Variants in LAPTM4B observed in about 807,000 individuals in gnomAD.
LAPTM4B encodes lysosomal protein transmembrane 4 beta.
A neutral mutation model predicts 28.5 loss-of-function variants in LAPTM4B; 26 were observed. The observed-to-expected ratio is 0.91, with a 90% CI of 0.67 to 1.27. The LOEUF is 1.27. LAPTM4B is among the 50% of genes most tolerant of loss of function. The probability of loss-of-function intolerance (pLI) is 0.00; values close to 1 mark genes in which losing one functional copy is unlikely to be tolerated. For synonymous variants in LAPTM4B, 109 were observed against 106.4 expected (o/e 1.02, Z -0.15); for missense variants, 288 against 285.8 (o/e 1.01, Z -0.06).
At chr8:97,819,077 G>A (rs1816964626) in intron 4 of LAPTM4B, 63 bp from the exon 5 acceptor site, 2 of 967,980 alleles carry the variant, frequency 2.1e-6, no homozygotes. Flanking sequence ...CTGAATTGGT[G>A]CCCAAGGAAT....
At chr8:97,843,309 C>G (rs922426270) in intron 6 of LAPTM4B, among the ~76,000 whole-genome samples, 2 of 152,012 alleles carry the variant, frequency 1.3e-5, no homozygotes, top group African/African-American at 2.4e-5. Flanking sequence ...TGCCTGTAGT[C>G]CCAGCTACTC....
intron 4 of LAPTM4B, among the ~76,000 whole-genome samples, chr8:97,817,445 C>CTTTTTTTTT (rs753483537): frequency 1.1e-5 from 1 of 89,004 alleles, no homozygotes. Context: ...GCCAACTTTA[C>CTTTTTTTTT]TTTTTTTTTT....
intron 6 of LAPTM4B, among the ~76,000 whole-genome samples, chr8:97,827,425 G>A (rs2129817337): frequency 6.6e-6 from 1 of 152,328 alleles, no homozygotes; most frequent in African/African-American, 2.4e-5. Flanking sequence ...GGGCTTGGAA[G>A]CTCCATGTTC....
chr8:97,820,300 C>CTTTCTTTTTTTTTTTTTTTTTTTTTT (rs1816984509), intron 5 of LAPTM4B, among the ~76,000 whole-genome samples: 1 of 129,750 alleles, frequency 7.7e-6, no homozygotes, highest in Non-Finnish European at 1.7e-5. Flanking sequence ...ATTTTTCTTT[C>CTTTCTTTTTTTTTTTTTTTTTTTTTT]TTTCTTTTTT....
At chr8:97,807,813 C>T (rs996915142) in intron 2 of LAPTM4B, among the ~76,000 whole-genome samples, 2 of 151,148 alleles carry the variant, frequency 1.3e-5, no homozygotes, top group African/African-American at 2.4e-5. Flanking sequence ...GCTTTCTAGC[C>T]ATCATCTTCC....
chr8:97,848,972 G>A (rs1817471532), intron 6 of LAPTM4B, among the ~76,000 whole-genome samples: 1 of 152,202 alleles, frequency 6.6e-6, no homozygotes, highest in Non-Finnish European at 1.5e-5. Context: ...AATTGCTAGT[G>A]GAGATGCTGT....
At chr8:97,827,782 G>A (rs1451113093) in intron 6 of LAPTM4B, among the ~76,000 whole-genome samples, 8 of 152,188 alleles carry the variant, frequency 5.3e-5, no homozygotes, top group African/African-American at 1.7e-4. Flanking sequence ...TCAGCGAAGG[G>A]TGGTGGGATT....
In LAPTM4B at chr8:97,851,545, C is replaced by T; in HGVS notation, c.*71C>T. The T allele has an allele frequency of 2.6e-6, 3 of 1,170,410 alleles. No homozygotes were observed. The South Asian group carries it at 3.8e-5, about 15-fold the overall frequency. The allele number at this position is 1,170,410 out of a possible 1,614,324, so 72.5% of individuals were successfully genotyped here. A position where few individuals can be genotyped will look rare whatever the true frequency, so the allele number is the denominator to read the frequency against. On this transcript the variant is annotated 3_prime_UTR_variant, in exon 7 of 7. Transcript: ENST00000521545. ...CATCTGAGCAATAGTTCTGTTATTT[C>T]ACTTTTGCCATGAGCCTCTCTGAGC...
chr8:97,847,015 T>A (rs1817444215), intron 6 of LAPTM4B, among the ~76,000 whole-genome samples: 1 of 152,234 alleles, frequency 6.6e-6, no homozygotes, highest in Non-Finnish European at 1.5e-5. Context: ...CTGGTAACAC[T>A]CTGAATCTTT....
intron 6 of LAPTM4B, among the ~76,000 whole-genome samples, chr8:97,828,723 T>C (rs568936530): frequency 1.3e-5 from 2 of 152,266 alleles, no homozygotes; most frequent in African/African-American, 4.8e-5. Flanking sequence ...CGACTTGGGA[T>C]TGGAGGACAG....
At chr8:97,838,888 T>C (rs1218505217) in intron 6 of LAPTM4B, among the ~76,000 whole-genome samples, 1 of 152,156 alleles carries the variant, frequency 6.6e-6, no homozygotes, top group African/African-American at 2.4e-5. Flanking sequence ...AAAGAAAGGG[T>C]AAAAGTAAAT....
chr8:97,777,360 C>G (rs908988618), intron 1 of LAPTM4B, among the ~76,000 whole-genome samples: 1 of 151,806 alleles, frequency 6.6e-6, no homozygotes, highest in Non-Finnish European at 1.5e-5. Flanking sequence ...GTTGGCCAGG[C>G]TGGTCTCGAA....
intron 1 of LAPTM4B, among the ~76,000 whole-genome samples, chr8:97,801,179 CT>C (rs11312833): frequency 0.52 from 68,785 of 132,524 alleles, 17,548 homozygotes; most frequent in African/African-American, 0.67. Context: ...GTTCTTCATA[CT>C]TTTTTTTTTT....
In LAPTM4B at chr8:97,839,363, T is replaced by C. The variant is rs187025963; in HGVS notation, c.604-12034T>C. ...CATGTGTTACCATGCCTGGCTAATT[T>C]TGTATTTTTAGTAGAGACGGGGTTT... On this transcript the variant is annotated intron_variant, in intron 6 of 6. Coordinates refer to ENST00000521545, the MANE Select transcript of LAPTM4B (RefSeq NM_018407.6). 1.1e-3 allele frequency among the ~76,000 whole-genome samples: 169 copies of C among 152,180 alleles called. 2 individuals are homozygous for C. In the East Asian group the frequency reaches 0.031, roughly 28 times the overall value.
At chr8:97,843,509 G>GTT (rs1340918737) in intron 6 of LAPTM4B, among the ~76,000 whole-genome samples, 2 of 152,252 alleles carry the variant, frequency 1.3e-5, no homozygotes, top group East Asian at 3.9e-4. Context: ...CAGGCACAGT[G>GTT]GCTCACACCT....
intron 6 of LAPTM4B, among the ~76,000 whole-genome samples, chr8:97,838,440 C>T (rs1817295201): frequency 6.6e-6 from 1 of 152,206 alleles, no homozygotes; most frequent in Non-Finnish European, 1.5e-5. Context: ...AGGCCTTGTG[C>T]CGAGTGCTTT....
intron 1 of LAPTM4B, among the ~76,000 whole-genome samples, chr8:97,778,835 C>CT (rs1265928332): frequency 6.6e-6 from 1 of 152,068 alleles, no homozygotes; most frequent in African/African-American, 2.4e-5. Context: ...GGGTCGCCGG[C>CT]TAATAAAGGA....
chr8:97,776,399 C>T (rs1358377156), intron 1 of LAPTM4B, among the ~76,000 whole-genome samples: 2 of 152,202 alleles, frequency 1.3e-5, no homozygotes, highest in Non-Finnish European at 2.9e-5. Flanking sequence ...CTCCGCGCAG[C>T]CCCGCGGCCT....
At chr8:97,823,084 G>A (rs774985436) in intron 5 of LAPTM4B, among the ~76,000 whole-genome samples, 17 of 151,918 alleles carry the variant, frequency 1.1e-4, no homozygotes, top group Non-Finnish European at 1.5e-4. Context: ...TTTGTGATCC[G>A]CCCACCTCGG....
Sources: gnomAD v4.1 joint callset for allele counts (sites outside exome capture counted in the v4.1 genomes callset) on GRCh38, gnomAD v4.1.1 for gene constraint, MANE v1.5 for transcripts, NCBI Gene and HGNC (gene_info 2026-07-23, HGNC 2026-07-21) for gene names.